TC2N: variants seen among roughly 807,000 people sequenced by gnomAD.
TC2N encodes the protein tandem C2 domains nuclear protein.
A neutral mutation model predicts 61.9 loss-of-function variants in TC2N; 51 were observed. The ratio of observed to expected loss-of-function variants is 0.82; its 90% CI spans 0.66 to 1.04. The LOEUF (loss-of-function observed/expected upper bound fraction) is 1.04. TC2N is among the 50% of genes least tolerant of loss of function. The pLI is 0.00. For synonymous variants in TC2N, 204 were observed against 192.6 expected, an observed-to-expected ratio of 1.06 and a Z score of -0.49; for missense variants, 556 against 566.7, an observed-to-expected ratio of 0.98 and a Z score of 0.19.
intron 3 of TC2N, among the ~76,000 whole-genome samples, chr14:91,806,741 G>GA (rs143668411): frequency 2.1e-3 from 307 of 147,638 alleles, no homozygotes; most frequent in African/African-American, 6.5e-3. Context: ...CAATGCAATA[G>GA]AAAAAAAAAA....
intron 10 of TC2N, among the ~76,000 whole-genome samples, chr14:91,786,147 T>C (rs113251057): frequency 3.7e-4 from 57 of 152,274 alleles, no homozygotes; most frequent in African/African-American, 1.3e-3. Context: ...GTCAGATTGA[T>C]AGAATGAAGA....
At chr14:91,807,834 A>G (rs1244756919) in intron 3 of TC2N, among the ~76,000 whole-genome samples, 1 of 152,092 alleles carries the variant, frequency 6.6e-6, no homozygotes, top group Non-Finnish European at 1.5e-5. Flanking sequence ...GCAGAATGGT[A>G]TGGTTTGGCT....
intron 4 of TC2N, among the ~76,000 whole-genome samples, chr14:91,801,674 C>T (rs1258807020): frequency 6.6e-6 from 1 of 152,086 alleles, no homozygotes; most frequent in Non-Finnish European, 1.5e-5. Flanking sequence ...GACTCTGTCT[C>T]AAAACAACAA....
intron 1 of TC2N, among the ~76,000 whole-genome samples, chr14:91,846,653 C>T (rs923045057): frequency 2.6e-5 from 4 of 152,184 alleles, no homozygotes; most frequent in Non-Finnish European, 4.4e-5. Context: ...TCAGAGAATT[C>T]TACTTGAATT....
rs538388711 is a variant in TC2N, at chr14:91,787,183, A to G, written c.1162+330T>C. The stretch of plus-strand genomic sequence containing the variant: ...TTCTAGTTAGCAGGGCATTCCACAA[A>G]GGGCACAGACCTAGAGAGAGGATAA... On this transcript the variant is annotated intron_variant, in intron 10 of 11. Transcript: ENST00000435962. 3.9e-5 allele frequency among the ~76,000 whole-genome samples: 6 copies of G among 152,272 alleles called. No individual in the cohort carries two copies. In the East Asian group the frequency reaches 1.2e-3, roughly 29 times the overall value.
chr14:91,827,798 C>T (rs1258233508), intron 1 of TC2N, among the ~76,000 whole-genome samples: 1 of 152,172 alleles, frequency 6.6e-6, no homozygotes, highest in Non-Finnish European at 1.5e-5. Context: ...ACACACTTAA[C>T]ATGTCAAAGT....
intron 1 of TC2N, among the ~76,000 whole-genome samples, chr14:91,816,448 C>T (rs893763567): frequency 2.0e-5 from 3 of 151,626 alleles, no homozygotes; most frequent in Admixed American, 6.6e-5. Flanking sequence ...TGTCTCCTGC[C>T]GACATTTTCA....
chr14:91,802,132 C>T lies in TC2N; in HGVS notation c.469+122G>A, dbSNP rs142507847. ...CATAACGTTTATCACATTTATGAAG[C>T]TTGTTTTCTTATTTTTAAAATGCTT... On this transcript the variant is annotated intron_variant, in intron 4 of 11. Coordinates refer to ENST00000435962, the MANE Select transcript of TC2N (RefSeq NM_001128596.3). 3,208 of 819,188 alleles carry T rather than the reference C, an allele frequency of 3.9e-3. 81 individuals carry two copies. The African/African-American group carries it at 0.053, about 13-fold the overall frequency. The allele number at this position is 819,188 out of a possible 1,614,324, so 50.7% of individuals were successfully genotyped here.
At chr14:91,813,402 T>C (rs1301143992) in intron 2 of TC2N, among the ~76,000 whole-genome samples, 3 of 151,820 alleles carry the variant, frequency 2.0e-5, no homozygotes, top group East Asian at 1.9e-4. Context: ...CCACCTGTAA[T>C]GCCCATGTCC....
chr14:91,826,320 A>G (rs1278009591), intron 1 of TC2N, among the ~76,000 whole-genome samples: 5 of 592 alleles, frequency 8.4e-3, no homozygotes, highest in Admixed American at 0.05. Context: ...ACCTTGTCTG[A>G]AAAAAAAAAA....
chr14:91,810,145 T>C lies in TC2N; in HGVS notation c.301+2167A>G, dbSNP rs543215509. Among the ~76,000 whole-genome samples the C allele has an allele frequency of 7.0e-4, 106 of 152,250 alleles. 1 individual carries two copies. The highest frequency in any genetic ancestry group is 6.8e-3 in the Middle Eastern group (2 of 294). On this transcript the variant is annotated intron_variant, in intron 3 of 11. Transcript: ENST00000435962. ...ACACGGCAACAGCAGGAGCAAGAGA[T>C]GGGCAGTGGAGGTGCCAGGCTCTTT...
At chr14:91,810,692 T>C (rs1292893194) in intron 3 of TC2N, among the ~76,000 whole-genome samples, 1 of 151,794 alleles carries the variant, frequency 6.6e-6, no homozygotes, top group Non-Finnish European at 1.5e-5. Flanking sequence ...GAAATTGCAG[T>C]AGAGGAAATC....
intron 1 of TC2N, among the ~76,000 whole-genome samples, chr14:91,857,661 G>A (rs560173384): frequency 6.7e-4 from 102 of 152,174 alleles, no homozygotes; most frequent in Non-Finnish European, 1.1e-3. Flanking sequence ...AAGTGGCAGG[G>A]TTGAGACCCA....
chr14:91,807,553 T>G (rs578245671), intron 3 of TC2N, among the ~76,000 whole-genome samples: 1 of 152,366 alleles, frequency 6.6e-6, no homozygotes, highest in East Asian at 1.9e-4. Flanking sequence ...ATTGTGGACT[T>G]GCATGGGGCC....
At chr14:91,846,090 G>A (rs1220716656) in intron 1 of TC2N, among the ~76,000 whole-genome samples, 2 of 152,158 alleles carry the variant, frequency 1.3e-5, no homozygotes, top group African/African-American at 4.8e-5. Flanking sequence ...GCACCTCTGG[G>A]CAGGGAAGTA....
Position 91,781,227 on chromosome 14 carries a change from G to A in TC2N, c.*1873C>T, listed in dbSNP as rs552137363. 6.6e-6 allele frequency: 1 copy of A among 152,180 alleles called. No individual in the cohort carries two copies. Among genetic ancestry groups the A allele is most frequent in the Non-Finnish European group, 1.5e-5 (1 of 67,952 alleles). 9.4% of individuals were successfully genotyped at this position (152,180 alleles called of 1,614,324 possible). ...CCCGTTATTTATTATCTAAAAGCCA[G>A]TAAATACATTTACTTCTTTGGTACC... On this transcript the variant is annotated 3_prime_UTR_variant, in exon 12 of 12. Transcript: ENST00000435962.
rs184889236 is a variant in TC2N, at chr14:91,817,338, T to C, written c.-56-3513A>G. On this transcript the variant is annotated intron_variant, in intron 1 of 11. Coordinates refer to ENST00000435962, the MANE Select transcript of TC2N (RefSeq NM_001128596.3). ...AATGTATGCGTTTTCAAAGGCCCTG[T>C]TCAGCCCCAGCATATCAGAGTAAAA... Among the ~76,000 whole-genome samples, 10 of 152,070 alleles carry C rather than the reference T, an allele frequency of 6.6e-5. No homozygotes were observed. The East Asian group carries it at 1.7e-3, about 26-fold the overall frequency.
intron 3 of TC2N, among the ~76,000 whole-genome samples, chr14:91,810,100 A>C (rs1886696753): frequency 6.6e-6 from 1 of 152,222 alleles, no homozygotes; most frequent in South Asian, 2.1e-4. Context: ...GGCAGAAGGC[A>C]AAAAGAGAAC....
At chr14:91,843,324 C>A (rs763413507) in intron 1 of TC2N, among the ~76,000 whole-genome samples, 11 of 151,978 alleles carry the variant, frequency 7.2e-5, no homozygotes, top group Non-Finnish European at 1.0e-4. Flanking sequence ...GAATATCTAA[C>A]CCCATCATGA....
Sources: gnomAD v4.1 joint callset for allele counts (sites outside exome capture counted in the v4.1 genomes callset) on GRCh38, gnomAD v4.1.1 for gene constraint, MANE v1.5 for transcripts, NCBI Gene and HGNC (gene_info 2026-07-23, HGNC 2026-07-21) for gene names.